RYR1: variants seen among roughly 807,000 people sequenced by gnomAD.
RYR1 encodes the protein ryanodine receptor 1.
Under a neutral mutation model 583.5 loss-of-function variants are expected in RYR1, and 342 were observed. The ratio of observed to expected loss-of-function variants is 0.59; its 90% CI spans 0.54 to 0.64. RYR1 has a LOEUF of 0.64. Among genes scored for constraint, RYR1 ranks in the 30% least tolerant of loss-of-function variants. RYR1 has a pLI of 0.00. For missense variants in RYR1, 6,032 were observed against 6,917.2 expected (o/e 0.87, Z 4.54); for synonymous variants, 2,791 against 2,822.5 (o/e 0.99, Z 0.35).
chr19:38,459,413 A>G (rs1967609795), intron 19 of RYR1, 75 bp downstream of exon 19: 7 of 1,416,830 alleles, frequency 4.9e-6, no homozygotes, highest in Admixed American at 1.9e-5. Flanking sequence ...CAGTCACTCC[A>G]TGGTCCCCCA....
At chr19:38,522,572 C>T (rs1281609312) in intron 67 of RYR1, among the ~76,000 whole-genome samples, 1 of 151,786 alleles carries the variant, frequency 6.6e-6, no homozygotes, top group Non-Finnish European at 1.5e-5. Context: ...GAGATCGCAT[C>T]ACTGTACTCC....
At chr19:38,448,576 G>A in intron 10 of RYR1, 65 bp downstream of exon 10, 1 of 1,614,104 alleles carries the variant, frequency 6.2e-7, no homozygotes, top group Non-Finnish European at 8.5e-7. Flanking sequence ...CCTGCACTCT[G>A]CAGTCCCTCA....
intron 90 of RYR1, among the ~76,000 whole-genome samples, chr19:38,562,518 G>C (rs1171388398): frequency 6.6e-6 from 1 of 152,002 alleles, no homozygotes; most frequent in Admixed American, 6.6e-5. Flanking sequence ...GGAGGTTTGC[G>C]CACCCGTCAC....
intron 93 of RYR1, among the ~76,000 whole-genome samples, chr19:38,569,456 G>A (rs1384636327): frequency 6.6e-6 from 1 of 151,926 alleles, no homozygotes; most frequent in Non-Finnish European, 1.5e-5. Flanking sequence ...TCAGGAGGCT[G>A]AGGCGGGAGG....
intron 27 of RYR1, 41 bp downstream of exon 27, chr19:38,469,554 A>G: frequency 6.4e-7 from 1 of 1,573,344 alleles, no homozygotes; most frequent in Non-Finnish European, 8.7e-7. Context: ...TCTGCCTCCA[A>G]AGCTCCTTCC....
At position 38,561,329 on chromosome 19, in the gene RYR1, G is replaced by C. The variant is rs772494345; in HGVS notation, c.12499G>C (p.Glu4167Gln). 6.2e-7 allele frequency: 1 copy of C among 1,614,032 alleles called. No individual in the cohort carries two copies. The highest frequency in any genetic ancestry group is 1.1e-5 in the South Asian group (1 of 91,092). Residue 4167 changes from glutamate (E) to glutamine (Q), a missense_variant, in exon 90 of 106, where the codon GAG becomes CAG. By Grantham distance (29) the Glu-to-Gln change is conservative. Around this residue, in one of 11 missense-constraint regions of RYR1, gnomAD observed 753 missense variants for 759.6 expected, o/e 0.99. Transcript: ENST00000359596. The surrounding 1 kb of genome is among the most constrained non-coding windows in gnomAD (Gnocchi z 4.8). Reference protein sequence around the residue: ...PRLHNFLELAESILEYFRPYL... With the variant: ...PRLHNFLELAQSILEYFRPYL... ...CCTGCACAACTTCCTGGAGCTGGCCGAGAGCATCCTTGAGTACTTCCGCCC... is the reference window on the plus strand; with the variant it reads ...CCTGCACAACTTCCTGGAGCTGGCCCAGAGCATCCTTGAGTACTTCCGCCC...
In RYR1 at chr19:38,444,592, G is replaced by A. The variant is rs372660267; in HGVS notation, c.546G>A (p.Ser182=). 1.6e-5 allele frequency: 26 copies of A among 1,613,468 alleles called. No homozygotes were observed. Among genetic ancestry groups the A allele is most frequent in the African/African-American group, 1.1e-4 (8 of 74,842 alleles). The change falls in exon 7 of 106, where the codon TCG becomes TCA. Residue 182 remains serine, a synonymous_variant. Transcript: ENST00000359596. The surrounding 1 kb of genome is among the most constrained non-coding windows in gnomAD (Gnocchi z 5.1). The part of the protein sequence containing the change: ...SVSSERYLHL[S]TASGELQVDA... ...ATCCTGGTGGCCCCCAGCACCTGTC[G>A]ACCGCCAGTGGGGAGCTCCAGGTTG...
intron 89 of RYR1, among the ~76,000 whole-genome samples, chr19:38,556,069 G>T (rs1490338319): frequency 2.6e-5 from 4 of 152,074 alleles, no homozygotes; most frequent in African/African-American, 7.2e-5. Flanking sequence ...TCGCCATGTT[G>T]GCCAGGGTAG....
chr19:38,564,643 G>A (rs1248706503), intron 90 of RYR1, among the ~76,000 whole-genome samples: 1 of 151,590 alleles, frequency 6.6e-6, no homozygotes, highest in East Asian at 1.9e-4. Flanking sequence ...TCAGCCTCCC[G>A]AGTAACGGAT....
chr19:38,532,016 C>T (rs1185862364), intron 76 of RYR1, among the ~76,000 whole-genome samples: 2 of 152,178 alleles, frequency 1.3e-5, no homozygotes, highest in African/African-American at 2.4e-5. Context: ...AAGTCCTCAT[C>T]GGCCATGCAT....
chr19:38,508,676 G>T (rs975424611), intron 58 of RYR1, among the ~76,000 whole-genome samples: 9 of 152,208 alleles, frequency 5.9e-5, no homozygotes, highest in Non-Finnish European at 1.5e-5. Flanking sequence ...GAGGTCCCTG[G>T]TGTGAGTGTC....
intron 28 of RYR1, among the ~76,000 whole-genome samples, chr19:38,474,965 T>C (rs1176283334): frequency 6.6e-6 from 1 of 152,128 alleles, no homozygotes; most frequent in African/African-American, 2.4e-5. Flanking sequence ...TGCCTTGCAG[T>C]GTACAAAACA....
intron 25 of RYR1, among the ~76,000 whole-genome samples, chr19:38,468,681 C>T (rs954862519): frequency 6.6e-6 from 1 of 152,202 alleles, no homozygotes. Flanking sequence ...TTCCAGCCCC[C>T]CACTACCACT....
Position 38,546,493 on chromosome 19 carries a change from G to GAC in RYR1, c.12063_12064dup (p.Met4022ThrfsTer4), listed in dbSNP as rs1419938249. 49 of 1,613,640 alleles carry GAC rather than the reference G, an allele frequency of 3.0e-5. No individual in the cohort carries two copies. Among genetic ancestry groups the GAC allele is most frequent in the Non-Finnish European group, 3.7e-5 (44 of 1,179,978 alleles). On this transcript the variant is annotated frameshift_variant, in exon 88 of 106. Transcript: ENST00000359596. LOFTEE classifies it high-confidence loss of function. Reference sequence around the variant, plus strand: ...GAAGGAGCTGCTGGATCTGCAGAAGGACATGGTGGTGATGTTGCTGTCGCT... The same window carrying GAC: ...GAAGGAGCTGCTGGATCTGCAGAAGGACACATGGTGGTGATGTTGCTGTCGCT...
intron 27 of RYR1, 135 bp downstream of exon 27, chr19:38,469,648 C>T (rs758375112): frequency 3.5e-5 from 33 of 952,090 alleles, no homozygotes; most frequent in Non-Finnish European, 4.6e-5. Context: ...GAGTGATGGG[C>T]TCACGGGCTG....
intron 30 of RYR1, 21 bp downstream of exon 30, chr19:38,477,891 T>C (rs1383640133): frequency 3.8e-6 from 2 of 528,648 alleles, no homozygotes; most frequent in Middle Eastern, 5.1e-4. Context: ...TGGGGGGAGG[T>C]GGGAGGTGCA....
At chr19:38,504,939 A>G in intron 51 of RYR1, 28 bp downstream of exon 51, 1 of 1,613,978 alleles carries the variant, frequency 6.2e-7, no homozygotes. Context: ...GGAGACAGAG[A>G]GGAAGATTTC....
chr19:38,462,730 A>G (rs1967823704), intron 20 of RYR1, among the ~76,000 whole-genome samples: 1 of 152,066 alleles, frequency 6.6e-6, no homozygotes, highest in Non-Finnish European at 1.5e-5. Flanking sequence ...TCATTCAGCA[A>G]ACATTTCCTG....
intron 79 of RYR1, 36 bp downstream of exon 79, chr19:38,534,855 C>T (rs771262923): frequency 1.3e-6 from 2 of 1,582,568 alleles, no homozygotes; most frequent in Non-Finnish European, 8.6e-7. Context: ...CTTCCGAGTG[C>T]ACTCATCCTA....
Sources: allele counts gnomAD v4.1 joint callset (sites outside exome capture counted in the v4.1 genomes callset), GRCh38; gene constraint gnomAD v4.1.1; regional missense constraint gnomAD v4.1.1; non-coding constraint Gnocchi (gnomAD v3.1); transcripts MANE v1.5; gene names NCBI Gene and HGNC (gene_info 2026-07-23, HGNC 2026-07-21).